Variants in RNF216 observed in about 807,000 individuals in gnomAD.
RNF216 encodes the protein ring finger protein 216.
A neutral mutation model predicts 110.8 loss-of-function variants in RNF216; 72 were observed. That is an observed-to-expected ratio of 0.65 (90% CI 0.54 to 0.79). RNF216 has a LOEUF of 0.79. RNF216 is among the 30% of genes least tolerant of loss of function. RNF216 has a pLI of 0.00. For synonymous variants in RNF216, 495 were observed against 407.5 expected, an observed-to-expected ratio of 1.21 and a Z score of -2.59; for missense variants, 1,342 against 1,141.2, an observed-to-expected ratio of 1.18 and a Z score of -2.54.
chr7:5,766,600 A>G (rs942924228), intron 1 of RNF216, among the ~76,000 whole-genome samples: 1 of 152,220 alleles, frequency 6.6e-6, no homozygotes, highest in Admixed American at 6.5e-5. Context: ...GAATCCAACA[A>G]TGCTGAAACT....
chr7:5,741,413 C>A lies in RNF216; in HGVS notation c.604G>T (p.Glu202Ter). 1.2e-6 allele frequency: 2 copies of A among 1,614,170 alleles called. No individual in the cohort carries two copies. The highest frequency in any genetic ancestry group is 1.7e-6 in the Non-Finnish European group (2 of 1,180,024). Residue 202 changes from glutamate to a stop codon, truncating the protein, a stop_gained, in exon 4 of 17, where the codon GAA (glutamate) becomes TAA (stop). Transcript: ENST00000389902. LOFTEE classifies it high-confidence loss of function. The stretch of plus-strand genomic sequence containing the variant: ...GATAACAGCTCTGTCTCTGAGTCTT[C>A]GGATGACTGGTTCTGAGTTTCCAAA... ...DPLETQNQSS[E>*]DSETELLSNL...
chr7:5,726,805 C>T (rs1793780186), intron 7 of RNF216, among the ~76,000 whole-genome samples: 1 of 151,460 alleles, frequency 6.6e-6, no homozygotes, highest in South Asian at 2.1e-4. Context: ...TTGCAGTGAG[C>T]TGAGATCGCG....
chr7:5,751,111 T>A (rs1167120026), intron 3 of RNF216, among the ~76,000 whole-genome samples: 1 of 152,198 alleles, frequency 6.6e-6, no homozygotes, highest in Non-Finnish European at 1.5e-5. Context: ...TGGTGTGCTG[T>A]GCACCCTCAG....
intron 1 of RNF216, among the ~76,000 whole-genome samples, chr7:5,778,963 C>T (rs541905906): frequency 2.0e-5 from 3 of 152,338 alleles, no homozygotes; most frequent in Non-Finnish European, 2.9e-5. Flanking sequence ...AGGCTGGTCT[C>T]GAACTCCTGA....
intron 13 of RNF216, among the ~76,000 whole-genome samples, chr7:5,679,309 C>T (rs1790506631): frequency 1.3e-5 from 2 of 152,214 alleles, no homozygotes; most frequent in African/African-American, 4.8e-5. Flanking sequence ...GGACTAAGGG[C>T]CTGTTTGTCA....
In RNF216 at chr7:5,621,210, TG is replaced by T. The variant is rs1325619712; in HGVS notation, c.*1649del. Reference sequence around the variant, plus strand: ...TTTTTTAAAGATAGAGTTTTGCTTTTGTTGCTCAGGCTGGAGTGCAGTGGCA... The same window carrying T: ...TTTTTTAAAGATAGAGTTTTGCTTTTTTGCTCAGGCTGGAGTGCAGTGGCA... On this transcript the variant is annotated 3_prime_UTR_variant, in exon 17 of 17. Coordinates refer to ENST00000389902, the MANE Select transcript of RNF216 (RefSeq NM_207111.4). The T allele has an allele frequency of 6.6e-6, 1 of 151,830 alleles. No individual in the cohort carries two copies. The highest frequency in any genetic ancestry group is 2.4e-5 in the African/African-American group (1 of 41,280). The allele number at this position is 151,830 out of a possible 1,614,324, so 9.4% of individuals were successfully genotyped here.
At chr7:5,759,601 C>T (rs1795822726) in intron 2 of RNF216, among the ~76,000 whole-genome samples, 1 of 148,716 alleles carries the variant, frequency 6.7e-6, no homozygotes, top group Admixed American at 6.7e-5. Flanking sequence ...GTAGGCTATT[C>T]GTACTTAAGT....
At chr7:5,644,581 C>T (rs1014861131) in intron 14 of RNF216, among the ~76,000 whole-genome samples, 28 of 151,932 alleles carry the variant, frequency 1.8e-4, no homozygotes, top group Admixed American at 2.6e-4. Context: ...TATCAGCTCA[C>T]TGCAACTTCC....
At chr7:5,664,690 G>T (rs758013906) in intron 13 of RNF216, among the ~76,000 whole-genome samples, 2 of 152,184 alleles carry the variant, frequency 1.3e-5, no homozygotes, top group Admixed American at 6.5e-5. Flanking sequence ...GCCGCCCAAG[G>T]GTAGGCTGCA....
At chr7:5,712,388 G>C (rs1169234706) in intron 12 of RNF216, among the ~76,000 whole-genome samples, 1 of 151,860 alleles carries the variant, frequency 6.6e-6, no homozygotes, top group Non-Finnish European at 1.5e-5. Context: ...CATGAGAATT[G>C]CTTGAACTCA....
intron 1 of RNF216, among the ~76,000 whole-genome samples, chr7:5,772,945 A>C (rs1796576242): frequency 6.6e-6 from 1 of 151,612 alleles, no homozygotes; most frequent in African/African-American, 2.4e-5. Context: ...TGTCTGGCTA[A>C]TTTTTGTATT....
At chr7:5,679,654 A>T (rs567918073) in intron 13 of RNF216, among the ~76,000 whole-genome samples, 1 of 152,352 alleles carries the variant, frequency 6.6e-6, no homozygotes, top group South Asian at 2.1e-4. Context: ...AAACCACTGA[A>T]ATCGAGAGAA....
intron 13 of RNF216, among the ~76,000 whole-genome samples, chr7:5,672,310 G>C (rs1218405539): frequency 1.3e-5 from 2 of 152,218 alleles, no homozygotes; most frequent in African/African-American, 2.4e-5. Context: ...TTGGGGGAAT[G>C]ATAATCTTGT....
intron 3 of RNF216, among the ~76,000 whole-genome samples, chr7:5,751,927 C>A (rs1286329878): frequency 1.3e-5 from 2 of 151,088 alleles, no homozygotes; most frequent in Admixed American, 1.3e-4. Flanking sequence ...GTGGCTCACG[C>A]CTATAATCTC....
chr7:5,691,937 C>G (rs1791366046), intron 13 of RNF216, among the ~76,000 whole-genome samples: 1 of 152,240 alleles, frequency 6.6e-6, no homozygotes, highest in African/African-American at 2.4e-5. Flanking sequence ...CAGGGGCCGA[C>G]AGTCAGGCCC....
intron 15 of RNF216, among the ~76,000 whole-genome samples, chr7:5,633,405 G>C (rs1035065883): frequency 2.0e-5 from 3 of 152,054 alleles, no homozygotes; most frequent in Non-Finnish European, 4.4e-5. Context: ...GTGAAACCCC[G>C]TCTCTACTAA....
intron 13 of RNF216, among the ~76,000 whole-genome samples, chr7:5,691,158 G>C (rs1259302133): frequency 2.0e-5 from 3 of 152,000 alleles, no homozygotes; most frequent in African/African-American, 7.3e-5. Context: ...GTGAGCCTGG[G>C]TGATCAACGT....
chr7:5,647,961 A>T (rs758193299), intron 14 of RNF216, among the ~76,000 whole-genome samples: 1 of 152,184 alleles, frequency 6.6e-6, no homozygotes, highest in Admixed American at 6.5e-5. Context: ...TTAGGCCATG[A>T]CATTCATTTG....
intron 13 of RNF216, among the ~76,000 whole-genome samples, chr7:5,677,924 G>A (rs1790408623): frequency 6.6e-6 from 1 of 152,162 alleles, no homozygotes; most frequent in African/African-American, 2.4e-5. Context: ...CACAGCCCCA[G>A]CCCTGTTATT....
Sources: gnomAD v4.1 joint callset for allele counts (sites outside exome capture counted in the v4.1 genomes callset) on GRCh38, gnomAD v4.1.1 for gene constraint, MANE v1.5 for transcripts, NCBI Gene and HGNC (gene_info 2026-07-23, HGNC 2026-07-21) for gene names.